The following SLC6A9 variants were observed in gnomAD, a reference collection of about 807,000 sequenced individuals.
SLC6A9 encodes the protein solute carrier family 6 member 9.
Under a neutral mutation model 70.9 loss-of-function variants are expected in SLC6A9, and 31 were observed. The ratio of observed to expected loss-of-function variants is 0.44; its 90% CI spans 0.33 to 0.59. The LOEUF (loss-of-function observed/expected upper bound fraction) is 0.59, where lower values mean the gene tolerates loss of function less well. Ranked by LOEUF, SLC6A9 falls within the 20% of genes least tolerant of loss-of-function variation. The pLI, the probability that SLC6A9 is intolerant of heterozygous loss-of-function variation, is 0.04. For synonymous variants in SLC6A9, 310 were observed against 341.3 expected, an observed-to-expected ratio of 0.91 and a Z score of 1.01; for missense variants, 631 against 845.2, an observed-to-expected ratio of 0.75 and a Z score of 3.14.
chr1:44,017,472 T>C, intron 2 of SLC6A9: 1 of 705,602 alleles, frequency 1.4e-6, no homozygotes, highest in Non-Finnish European at 1.9e-6. Flanking sequence ...AGACGCTGTC[T>C]GAGCCCACAG....
rs1430540509 is a variant in SLC6A9 at position 44,018,353 on chromosome 1, G to A, written c.30+5895C>T. Reference sequence around the variant, plus strand: ...CACGCCTGTAATCCCAGCACTTTGGGAGGCTGAGGAGGGCAGATCACAAGG... The same window carrying A: ...CACGCCTGTAATCCCAGCACTTTGGAAGGCTGAGGAGGGCAGATCACAAGG... On this transcript the variant is annotated intron_variant, in intron 2 of 13. Coordinates refer to ENST00000372310, the MANE Select transcript of SLC6A9 (RefSeq NM_001024845.3). The surrounding 1 kb of genome is among the most constrained non-coding windows in gnomAD (Gnocchi z 4.2). Among the ~76,000 whole-genome samples, 3 of 152,152 alleles carry A rather than the reference G, an allele frequency of 2.0e-5. No homozygotes were observed. The highest frequency in any genetic ancestry group is 4.4e-5 in the Non-Finnish European group (3 of 68,024).
Position 44,018,065 on chromosome 1 carries a change from A to G in SLC6A9, c.30+6183T>C, listed in dbSNP as rs544875353. On this transcript the variant is annotated intron_variant, in intron 2 of 13. Transcript: ENST00000372310. This position sits in a 1 kb window ranked among gnomAD's most constrained non-coding sequence, Gnocchi z 4.2. ...TCTCCTGCTGACCCCAAGATACCTC[A>G]GACCAGTGGCTCGGAAGGTGGGCAT... Among the ~76,000 whole-genome samples, 7 of 152,192 alleles carry G rather than the reference A, an allele frequency of 4.6e-5. No homozygotes were observed. Among genetic ancestry groups the G allele is most frequent in the Non-Finnish European group, 8.8e-5 (6 of 68,020 alleles).
chr1:44,010,718 C>T lies in SLC6A9; in HGVS notation c.187+8G>A. The T allele has an allele frequency of 6.2e-7, 1 of 1,613,888 alleles. No homozygotes were observed. The highest frequency in any genetic ancestry group is 8.5e-7 in the Non-Finnish European group (1 of 1,179,828). On this transcript the variant is annotated splice_region_variant and intron_variant, in intron 3 of 13. Coordinates refer to ENST00000372310, the MANE Select transcript of SLC6A9 (RefSeq NM_001024845.3). Reference sequence around the variant, plus strand: ...GTGGGTGGTCCCTGCCCTGTGCCCACTGGGTACCTCCCCCGTTGCGATAGC... The same window carrying T: ...GTGGGTGGTCCCTGCCCTGTGCCCATTGGGTACCTCCCCCGTTGCGATAGC...
At chr1:44,029,947 T>A (rs2087063314) in intron 1 of SLC6A9, among the ~76,000 whole-genome samples, 2 of 152,194 alleles carry the variant, frequency 1.3e-5, no homozygotes, top group African/African-American at 4.8e-5. Context: ...CCTGCAGCCT[T>A]TATTTCCCAA....
chr1:44,017,399 AC>A (rs1244309413), intron 2 of SLC6A9: 30 of 1,220,984 alleles, frequency 2.5e-5, no homozygotes, highest in Non-Finnish European at 3.0e-5. Flanking sequence ...ACACACACAC[AC>A]ACACACACAG....
At position 43,997,757 on chromosome 1, in the gene SLC6A9, G is replaced by C; in HGVS notation, c.1708-18C>G. The C allele has an allele frequency of 1.3e-6, 2 of 1,598,166 alleles. No homozygotes were observed. Among genetic ancestry groups the C allele is most frequent in the Non-Finnish European group, 1.7e-6 (2 of 1,171,428 alleles). On this transcript the variant is annotated intron_variant, in intron 13 of 13. Coordinates refer to ENST00000372310, the MANE Select transcript of SLC6A9 (RefSeq NM_001024845.3). This position sits in a 1 kb window ranked among gnomAD's most constrained non-coding sequence, Gnocchi z 4.4. ...TTCAAACGCTGCATGAGGTAGGCATGGGGCACAGGGGCAGGGCACGTCAGG... is the reference window on the plus strand; with the variant it reads ...TTCAAACGCTGCATGAGGTAGGCATCGGGCACAGGGGCAGGGCACGTCAGG...
intron 2 of SLC6A9, 130 bp from the exon 3 acceptor site, chr1:44,011,012 G>A (rs935769897): frequency 8.4e-6 from 8 of 954,294 alleles, no homozygotes; most frequent in Non-Finnish European, 1.1e-5. Context: ...CTGCTGGCAG[G>A]AGCTTCAGGC....
At chr1:44,026,234 C>T (rs1456781366) in intron 1 of SLC6A9, among the ~76,000 whole-genome samples, 1 of 152,228 alleles carries the variant, frequency 6.6e-6, no homozygotes, top group Non-Finnish European at 1.5e-5. Context: ...TAGATCACAC[C>T]TTGTCCTCTC....
At chr1:44,010,933 C>G (rs1210150731) in intron 2 of SLC6A9, 51 bp from the exon 3 acceptor site, 1 of 1,596,968 alleles carries the variant, frequency 6.3e-7, no homozygotes, top group Non-Finnish European at 8.6e-7. Flanking sequence ...GTGCTCCATG[C>G]CTGACCCTCT....
Position 43,997,198 on chromosome 1 carries a change from G to T in SLC6A9, c.*347C>A. On this transcript the variant is annotated 3_prime_UTR_variant, in exon 14 of 14. Coordinates refer to ENST00000372310, the MANE Select transcript of SLC6A9 (RefSeq NM_001024845.3). The surrounding 1 kb of genome is among the most constrained non-coding windows in gnomAD (Gnocchi z 4.4). ...CAGGAGCACTAGTCATGGGGCTGGA[G>T]GCCCACCCAGAACCTCAGCTCAGGG... The T allele has an allele frequency of 3.6e-6, 1 of 276,618 alleles. No homozygotes were observed. Among genetic ancestry groups the T allele is most frequent in the South Asian group, 4.3e-5 (1 of 23,170 alleles). 17.1% of individuals were successfully genotyped at this position (276,618 alleles called of 1,614,324 possible).
rs2086809840 is a variant in SLC6A9 at position 44,018,215 on chromosome 1, G to A, written c.30+6033C>T. Among the ~76,000 whole-genome samples, 1 of 152,220 alleles carries A rather than the reference G, an allele frequency of 6.6e-6. No individual in the cohort carries two copies. The highest frequency in any genetic ancestry group is 1.5e-5 in the Non-Finnish European group (1 of 68,038). On this transcript the variant is annotated intron_variant, in intron 2 of 13. Coordinates refer to ENST00000372310, the MANE Select transcript of SLC6A9 (RefSeq NM_001024845.3). The surrounding 1 kb of genome is among the most constrained non-coding windows in gnomAD (Gnocchi z 4.2). The stretch of plus-strand genomic sequence containing the variant: ...GACACGTGCATGAATTCTGGTGTAA[G>A]AACAGCTTTCCTGTGAGTTTGGTGA...
chr1:44,005,909 C>T (rs1004215564), intron 5 of SLC6A9, among the ~76,000 whole-genome samples: 2 of 152,200 alleles, frequency 1.3e-5, no homozygotes, highest in East Asian at 1.9e-4. Context: ...GGCTCCAGCC[C>T]GCGCTGGGGA....
chr1:44,001,403 C>T lies in SLC6A9; in HGVS notation c.1187G>A (p.Gly396Glu). ...TGCACCTCGTACCTGAGTGCCCAGC[C>T]CCAGCAGGATAAGCATGAAGAAGAA... Reference protein sequence around the residue: ...LLFFFMLILLGLGTQFCLLET... With the variant: ...LLFFFMLILLELGTQFCLLET... Residue 396 changes from glycine (G) to glutamate (E), a missense_variant, in exon 9 of 14, where the codon GGG becomes GAG. By Grantham distance (98) the Gly-to-Glu change is moderately conservative (BLOSUM62 -2). Transcript: ENST00000372310. The T allele has an allele frequency of 6.2e-7, 1 of 1,612,910 alleles. No homozygotes were observed.
At chr1:44,024,394 T>C in intron 1 of SLC6A9, 32 bp from the exon 2 acceptor site, 2 of 1,351,270 alleles carry the variant, frequency 1.5e-6, no homozygotes, top group South Asian at 2.4e-5. Flanking sequence ...AGGTGAGGAC[T>C]TGGCCGTGTG....
chr1:44,016,896 C>T, intron 2 of SLC6A9: 1 of 746,874 alleles, frequency 1.3e-6, no homozygotes, highest in Non-Finnish European at 2.1e-6. Flanking sequence ...TTGCAACTTT[C>T]TGGGTCACTT....
intron 4 of SLC6A9, among the ~76,000 whole-genome samples, chr1:44,009,223 CTTT>C (rs34741082): frequency 7.6e-5 from 10 of 132,342 alleles, no homozygotes; most frequent in Admixed American, 7.5e-5. Flanking sequence ...ATGGGGTTTC[CTTT>C]TTTTTTTTTT....
chr1:44,026,521 T>C (rs2086985705), intron 1 of SLC6A9, among the ~76,000 whole-genome samples: 1 of 151,922 alleles, frequency 6.6e-6, no homozygotes, highest in African/African-American at 2.4e-5. Flanking sequence ...TAACCAGGTA[T>C]GGTGGTATGC....
rs2085924307 is a variant in SLC6A9 at position 43,997,753 on chromosome 1, G to A, written c.1708-14C>T. 6.2e-7 allele frequency: 1 copy of A among 1,601,980 alleles called. No homozygotes were observed. Among genetic ancestry groups the A allele is most frequent in the African/African-American group, 1.3e-5 (1 of 74,278 alleles). On this transcript the variant is annotated splice_polypyrimidine_tract_variant and intron_variant, in intron 13 of 13. Transcript: ENST00000372310. The surrounding 1 kb of genome is among the most constrained non-coding windows in gnomAD (Gnocchi z 4.4). ...ATTTTTCAAACGCTGCATGAGGTAG[G>A]CATGGGGCACAGGGGCAGGGCACGT...
intron 2 of SLC6A9, among the ~76,000 whole-genome samples, chr1:44,015,624 CA>C (rs1348995284): frequency 6.6e-6 from 1 of 152,246 alleles, no homozygotes; most frequent in Non-Finnish European, 1.5e-5. Context: ...GTGGCTGCCT[CA>C]GAAGACCCCA....
Sources: allele counts gnomAD v4.1 joint callset (sites outside exome capture counted in the v4.1 genomes callset), GRCh38; gene constraint gnomAD v4.1.1; non-coding constraint Gnocchi (gnomAD v3.1); transcripts MANE v1.5; gene names NCBI Gene and HGNC (gene_info 2026-07-23, HGNC 2026-07-21).